Variants in ZCWPW2 observed in about 807,000 individuals in gnomAD.
The protein encoded by ZCWPW2 is zinc finger CW-type and PWWP domain containing 2.
In ZCWPW2, 45 loss-of-function variants were observed where a neutral mutation model predicts 46.6. The ratio of observed to expected loss-of-function variants is 0.96; its 90% CI spans 0.76 to 1.24. The LOEUF (loss-of-function observed/expected upper bound fraction) is 1.24. ZCWPW2 is among the 50% of genes most tolerant of loss of function. ZCWPW2 has a pLI of 0.00. For synonymous variants in ZCWPW2, 152 were observed against 137.1 expected (o/e 1.11, Z -0.76); for missense variants, 429 against 403.9 (o/e 1.06, Z -0.53).
intron 3 of ZCWPW2, among the ~76,000 whole-genome samples, chr3:28,423,315 C>G (rs1404025426): frequency 6.8e-6 from 1 of 147,974 alleles, no homozygotes; most frequent in Non-Finnish European, 1.5e-5. Flanking sequence ...ATCCTGTCCT[C>G]TTCAGTTTAG....
chr3:28,434,135 A>G (rs987737196), intron 3 of ZCWPW2, among the ~76,000 whole-genome samples: 6 of 152,182 alleles, frequency 3.9e-5, no homozygotes, highest in Non-Finnish European at 8.8e-5. Flanking sequence ...TTATGTTCCC[A>G]TAAATTTTCA....
chr3:28,508,959 G>C (rs929869980), intron 6 of ZCWPW2, among the ~76,000 whole-genome samples: 1 of 151,916 alleles, frequency 6.6e-6, no homozygotes, highest in Non-Finnish European at 1.5e-5. Flanking sequence ...AACATCACTA[G>C]CTAATTTTAG....
chr3:28,519,932 G>T (rs762383060), intron 8 of ZCWPW2, among the ~76,000 whole-genome samples: 3 of 151,560 alleles, frequency 2.0e-5, no homozygotes, highest in Non-Finnish European at 4.4e-5. Context: ...GTTATAGTAG[G>T]CTTTTATTTC....
intron 6 of ZCWPW2, chr3:28,511,108 G>A (rs72909102): frequency 5.3e-4 from 243 of 454,226 alleles, no homozygotes; most frequent in African/African-American, 4.5e-3. Context: ...ATCAACACTG[G>A]AGAGAGAAGA....
At chr3:28,356,155 G>GA (rs566523171) in intron 1 of ZCWPW2, among the ~76,000 whole-genome samples, 258 of 152,196 alleles carry the variant, frequency 1.7e-3, no homozygotes, top group African/African-American at 5.7e-3. Flanking sequence ...AAATTTACAA[G>GA]AAAAAATCAA....
rs60984094 is a variant in ZCWPW2, at chr3:28,447,846, C to T, written c.492+12577C>T. ...CTTTATACAAAGAAGGTTGGGAAAG[C>T]ACCAAATCTGCATGTGGTGTGTGCC... On this transcript the variant is annotated intron_variant, in intron 4 of 9. Coordinates refer to ENST00000383768, the MANE Select transcript of ZCWPW2 (RefSeq NM_001040432.4). 4.1e-3 allele frequency: 4,268 copies of T among 1,040,166 alleles called. 106 individuals are homozygous for T. The African/African-American group carries it at 0.055, about 13-fold the overall frequency. 64.4% of individuals were successfully genotyped at this position (1,040,166 alleles called of 1,614,324 possible).
intron 3 of ZCWPW2, among the ~76,000 whole-genome samples, chr3:28,423,790 G>C (rs1031444059): frequency 3.3e-5 from 5 of 152,020 alleles, no homozygotes; most frequent in African/African-American, 1.2e-4. Flanking sequence ...AGTTCAACTT[G>C]CTGCACTTTC....
At chr3:28,370,801 C>T (rs1037853126) in intron 1 of ZCWPW2, among the ~76,000 whole-genome samples, 2 of 152,166 alleles carry the variant, frequency 1.3e-5, no homozygotes, top group East Asian at 1.9e-4. Context: ...GGTGTAATCT[C>T]GGCTCAACGC....
intron 1 of ZCWPW2, among the ~76,000 whole-genome samples, chr3:28,365,222 C>T (rs920202159): frequency 6.8e-6 from 1 of 146,506 alleles, no homozygotes; most frequent in African/African-American, 2.5e-5. Context: ...AGTCCTTGCC[C>T]ATGCTTATGT....
intron 6 of ZCWPW2, among the ~76,000 whole-genome samples, chr3:28,498,934 G>T (rs1700071797): frequency 6.6e-6 from 1 of 152,098 alleles, no homozygotes; most frequent in Non-Finnish European, 1.5e-5. Flanking sequence ...TGCTGAGAAT[G>T]ATGGTTTCCA....
chr3:28,489,573 A>C (rs1699727906), intron 5 of ZCWPW2, among the ~76,000 whole-genome samples: 1 of 152,046 alleles, frequency 6.6e-6, no homozygotes, highest in Non-Finnish European at 1.5e-5. Context: ...AAGATGATAC[A>C]ATAGTGAAAT....
chr3:28,475,754 AT>A (rs1243953322), intron 4 of ZCWPW2, among the ~76,000 whole-genome samples: 3 of 152,144 alleles, frequency 2.0e-5, no homozygotes, highest in African/African-American at 7.2e-5. Flanking sequence ...ATGGATTTAT[AT>A]ATGGCTAACT....
At chr3:28,468,706 G>A (rs1698921979) in intron 4 of ZCWPW2, among the ~76,000 whole-genome samples, 1 of 152,126 alleles carries the variant, frequency 6.6e-6, no homozygotes, top group African/African-American at 2.4e-5. Context: ...CCCTAGAATA[G>A]CATATCTAGC....
chr3:28,382,488 A>T (rs1310275543), intron 1 of ZCWPW2, among the ~76,000 whole-genome samples: 1 of 152,136 alleles, frequency 6.6e-6, no homozygotes, highest in Non-Finnish European at 1.5e-5. Flanking sequence ...TAATATTCTG[A>T]GTTACTGGAG....
At chr3:28,466,514 C>T (rs181442784) in intron 4 of ZCWPW2, among the ~76,000 whole-genome samples, 600 of 152,188 alleles carry the variant, frequency 3.9e-3, no homozygotes, top group African/African-American at 0.014. Context: ...AAATAAAGCC[C>T]GAGACTGGCT....
intron 6 of ZCWPW2, among the ~76,000 whole-genome samples, chr3:28,501,483 C>G (rs1370234558): frequency 6.6e-6 from 1 of 152,128 alleles, no homozygotes; most frequent in Non-Finnish European, 1.5e-5. Context: ...GGGCACAGTC[C>G]ACAACGACGA....
At chr3:28,367,911 G>A (rs1015805375) in intron 1 of ZCWPW2, among the ~76,000 whole-genome samples, 12 of 151,964 alleles carry the variant, frequency 7.9e-5, no homozygotes, top group Admixed American at 5.9e-4. Flanking sequence ...TGGCCTCTTC[G>A]TCTCTTTTGA....
intron 4 of ZCWPW2, among the ~76,000 whole-genome samples, chr3:28,467,761 A>T (rs1223335642): frequency 2.6e-5 from 4 of 152,246 alleles, no homozygotes; most frequent in Non-Finnish European, 5.9e-5. Flanking sequence ...CCATAGCATT[A>T]CTAGGCTTAC....
chr3:28,468,329 A>G (rs556137064), intron 4 of ZCWPW2, among the ~76,000 whole-genome samples: 36 of 152,236 alleles, frequency 2.4e-4, no homozygotes, highest in Non-Finnish European at 3.7e-4. Flanking sequence ...AATAGCCTCA[A>G]GAGGGCAAAT....
Sources: allele counts gnomAD v4.1 joint callset (sites outside exome capture counted in the v4.1 genomes callset), GRCh38; gene constraint gnomAD v4.1.1; transcripts MANE v1.5; gene names NCBI Gene and HGNC (gene_info 2026-07-23, HGNC 2026-07-21).